TENM4: variants seen among roughly 807,000 people sequenced by gnomAD.
The protein encoded by TENM4 is teneurin-4.
Under a neutral mutation model 243.3 loss-of-function variants are expected in TENM4, and 82 were observed. The ratio of observed to expected loss-of-function variants is 0.34; its 90% CI spans 0.28 to 0.40. TENM4 has a LOEUF of 0.40. Ranked by LOEUF, TENM4 falls within the 10% of genes least tolerant of loss-of-function variation. TENM4 has a pLI of 1.00. For synonymous variants in TENM4, 1,412 were observed against 1,456.3 expected, an observed-to-expected ratio of 0.97 and a Z score of 0.69; for missense variants, 3,138 against 3,673.3, an observed-to-expected ratio of 0.85 and a Z score of 3.77.
At chr11:79,345,658 T>G (rs1296078516) in intron 1 of TENM4, among the ~76,000 whole-genome samples, 2 of 152,206 alleles carry the variant, frequency 1.3e-5, no homozygotes, top group East Asian at 1.9e-4. Context: ...CAGGTAAGCT[T>G]ATCTCTCTGA....
At chr11:79,394,950 A>G (rs1243093237) in intron 1 of TENM4, among the ~76,000 whole-genome samples, 1 of 152,224 alleles carries the variant, frequency 6.6e-6, no homozygotes, top group Non-Finnish European at 1.5e-5. Context: ...AGACAGAGGC[A>G]TGGAACAGAT....
intron 6 of TENM4, among the ~76,000 whole-genome samples, chr11:78,983,083 A>G (rs1857838394): frequency 6.6e-6 from 1 of 152,244 alleles, no homozygotes; most frequent in South Asian, 2.1e-4. Context: ...CTTTTCTTGA[A>G]GGCTCAGTTC....
chr11:79,211,672 T>C (rs1863959712), intron 3 of TENM4, among the ~76,000 whole-genome samples: 1 of 152,268 alleles, frequency 6.6e-6, no homozygotes, highest in Admixed American at 6.5e-5. Flanking sequence ...AAAAATATGT[T>C]ATTTATGTTA....
intron 16 of TENM4, among the ~76,000 whole-genome samples, chr11:78,782,696 G>A (rs1023152033): frequency 2.0e-4 from 31 of 152,188 alleles, no homozygotes; most frequent in Middle Eastern, 3.4e-3. Flanking sequence ...AACCTGGGAG[G>A]CGGAAGTTTC....
chr11:79,153,041 A>G (rs540231335), intron 3 of TENM4, among the ~76,000 whole-genome samples: 1 of 152,270 alleles, frequency 6.6e-6, no homozygotes, highest in Admixed American at 6.5e-5. Flanking sequence ...CTGCGGGGAA[A>G]GTTTGTTGTG....
chr11:79,429,447 A>G (rs1256324070), intron 1 of TENM4, among the ~76,000 whole-genome samples: 1 of 152,134 alleles, frequency 6.6e-6, no homozygotes, highest in Non-Finnish European at 1.5e-5. Context: ...GAAAAGAGCA[A>G]TGCCAGGAGC....
In TENM4 at chr11:79,438,333, A is replaced by C. The variant is rs547059470; in HGVS notation, c.-321+2176T>G. Reference sequence around the variant, plus strand: ...CGTGATACACAGGCTGCGGCGCTGGAGGGAAGCGGCGAAACGGGGAGAATA... The same window carrying C: ...CGTGATACACAGGCTGCGGCGCTGGCGGGAAGCGGCGAAACGGGGAGAATA... On this transcript the variant is annotated intron_variant, in intron 1 of 33. Coordinates refer to ENST00000278550, the MANE Select transcript of TENM4 (RefSeq NM_001098816.3). The surrounding 1 kb of genome is among the most constrained non-coding windows in gnomAD (Gnocchi z 4.1). Among the ~76,000 whole-genome samples the C allele has an allele frequency of 5.3e-5, 8 of 152,328 alleles. No individual in the cohort carries two copies. Among genetic ancestry groups the C allele is most frequent in the Non-Finnish European group, 8.8e-5 (6 of 68,028 alleles).
intron 10 of TENM4, among the ~76,000 whole-genome samples, chr11:78,860,937 A>C (rs1290372078): frequency 2.0e-5 from 3 of 152,218 alleles, no homozygotes; most frequent in Non-Finnish European, 2.9e-5. Context: ...AACAAAACCT[A>C]AACAACCCAC....
intron 1 of TENM4, among the ~76,000 whole-genome samples, chr11:79,313,574 A>G (rs538030719): frequency 3.7e-4 from 56 of 152,062 alleles, no homozygotes; most frequent in Middle Eastern, 6.8e-3. Flanking sequence ...TGGAAATCAG[A>G]CTCCTAACAA....
At chr11:79,095,522 A>C (rs17754775) in intron 4 of TENM4, among the ~76,000 whole-genome samples, 2,259 of 152,306 alleles carry the variant, frequency 0.015, 25 homozygotes, top group Non-Finnish European at 0.024. Flanking sequence ...TGGGAAGTTT[A>C]TAAAACGGGA....
At chr11:79,006,194 C>T (rs1334658677) in intron 6 of TENM4, among the ~76,000 whole-genome samples, 1 of 152,102 alleles carries the variant, frequency 6.6e-6, no homozygotes, top group Admixed American at 6.5e-5. Flanking sequence ...TTTTCCCCTC[C>T]CTAATCAGTA....
At chr11:79,355,861 G>A (rs1226864845) in intron 1 of TENM4, among the ~76,000 whole-genome samples, 3 of 152,112 alleles carry the variant, frequency 2.0e-5, no homozygotes, top group Non-Finnish European at 2.9e-5. Flanking sequence ...GACAAATTAC[G>A]GAACCTCAGT....
chr11:79,178,863 G>C (rs910322919), intron 3 of TENM4, among the ~76,000 whole-genome samples: 1 of 152,166 alleles, frequency 6.6e-6, no homozygotes, highest in African/African-American at 2.4e-5. Flanking sequence ...ATTTTTCCCT[G>C]TTCATAGGAT....
intron 24 of TENM4, 101 bp from the exon 25 acceptor site, chr11:78,720,491 C>G: frequency 9.0e-7 from 1 of 1,117,238 alleles, no homozygotes; most frequent in Non-Finnish European, 1.4e-6. Context: ...AGCAATGGTA[C>G]TATACAATAC....
At position 78,720,393 on chromosome 11, in the gene TENM4, G is replaced by A. The variant is rs373077452; in HGVS notation, c.3801-3C>T. The A allele has an allele frequency of 3.7e-6, 6 of 1,613,856 alleles. No homozygotes were observed. The highest frequency in any genetic ancestry group is 1.7e-5 in the Admixed American group (1 of 60,010). ...ACCTATGTCTGAAATCTTTATTTCT[G>A]ACAGAAGACAGGAGAGCAGGGAATA... On this transcript the variant is annotated splice_polypyrimidine_tract_variant and splice_region_variant and intron_variant, in intron 24 of 33. Coordinates refer to ENST00000278550, the MANE Select transcript of TENM4 (RefSeq NM_001098816.3).
At chr11:79,200,997 A>C (rs1470590543) in intron 3 of TENM4, among the ~76,000 whole-genome samples, 1 of 152,208 alleles carries the variant, frequency 6.6e-6, no homozygotes, top group African/African-American at 2.4e-5. Flanking sequence ...CAGCTTTCTG[A>C]CATTATTGAA....
intron 4 of TENM4, among the ~76,000 whole-genome samples, chr11:79,088,048 C>T (rs56104604): frequency 2.6e-5 from 4 of 152,182 alleles, no homozygotes; most frequent in Admixed American, 1.3e-4. Context: ...TCCCAGGGCC[C>T]GATCCTCACT....
In TENM4 at chr11:78,812,207, G is replaced by A. The variant is rs867422746; in HGVS notation, c.1893C>T (p.Ile631=). ...AECDVPTNQC[I]DVACSNHGTC... ...TGCCATGGTTGCTGCAGGCCACATC[G>A]ATACACTGGTTGGTGGGCACATCGC... The change falls in exon 14 of 34, where the codon ATC becomes ATT. Residue 631 remains isoleucine (I), a synonymous_variant. Coordinates refer to ENST00000278550, the MANE Select transcript of TENM4 (RefSeq NM_001098816.3). 1.0e-4 allele frequency: 155 copies of A among 1,551,894 alleles called. No homozygotes were observed. In the Middle Eastern group the frequency reaches 2.8e-3, roughly 28 times the overall value.
chr11:79,431,009 C>T (rs991531702), intron 1 of TENM4, among the ~76,000 whole-genome samples: 2 of 152,100 alleles, frequency 1.3e-5, no homozygotes, highest in Non-Finnish European at 2.9e-5. Context: ...GCAGAAAGAG[C>T]ACAGGGACGC....
Sources: allele counts gnomAD v4.1 joint callset (sites outside exome capture counted in the v4.1 genomes callset), GRCh38; gene constraint gnomAD v4.1.1; non-coding constraint Gnocchi (gnomAD v3.1); transcripts MANE v1.5; gene names NCBI Gene and HGNC (gene_info 2026-07-23, HGNC 2026-07-21).